The following IL1R1 variants were observed in gnomAD, a reference collection of about 807,000 sequenced individuals.
IL1R1 encodes interleukin-1 receptor type 1.
A neutral mutation model predicts 50.2 loss-of-function variants in IL1R1; 22 were observed. The ratio of observed to expected loss-of-function variants is 0.44; its 90% CI spans 0.31 to 0.63. The LOEUF is 0.63. IL1R1 is among the 20% of genes least tolerant of loss of function. The pLI is 0.07. For missense variants in IL1R1, 509 were observed against 676.2 expected (o/e 0.75, Z 2.74); for synonymous variants, 251 against 236.7 (o/e 1.06, Z -0.55).
intron 1 of IL1R1, among the ~76,000 whole-genome samples, chr2:102,096,462 G>A (rs1171095038): frequency 6.6e-6 from 1 of 151,960 alleles, no homozygotes; most frequent in South Asian, 2.1e-4. Flanking sequence ...AATTTCCTTG[G>A]GTTTTTAAGT....
intron 1 of IL1R1, among the ~76,000 whole-genome samples, chr2:102,092,606 G>A (rs13384701): frequency 0.02 from 3,094 of 151,954 alleles, 119 homozygotes; most frequent in African/African-American, 0.071. Flanking sequence ...ATAACACTCG[G>A]GCCTGTTCTA....
At chr2:102,168,978 C>CTT (rs35721344) in intron 7 of IL1R1, among the ~76,000 whole-genome samples, 1 of 142,558 alleles carries the variant, frequency 7.0e-6, no homozygotes. Flanking sequence ...GGATTTCTTT[C>CTT]TTTTTTTTTT....
In IL1R1 at chr2:102,074,012, G is replaced by A. The variant is rs143021572; in HGVS notation, c.-84+3479G>A. Among the ~76,000 whole-genome samples, 5 of 152,226 alleles carry A rather than the reference G, an allele frequency of 3.3e-5. No individual in the cohort carries two copies. The East Asian group carries it at 9.7e-4, about 29-fold the overall frequency. ...TCCCAAGGAGCTCTGCCCCAGTAGT[G>A]CCACTTCAAGTCCCATGTTCTTTTC... On this transcript the variant is annotated intron_variant, in intron 1 of 11. Transcript: ENST00000409929.
chr2:102,103,175 T>C (rs1174684164), upstream of IL1R1, among the ~76,000 whole-genome samples: 3 of 152,114 alleles, frequency 2.0e-5, no homozygotes, highest in Non-Finnish European at 2.9e-5. Context: ...AGTAAATGAA[T>C]ATATAATTTA....
chr2:102,156,954 A>T (rs1684251982), intron 2 of IL1R1, among the ~76,000 whole-genome samples: 1 of 152,186 alleles, frequency 6.6e-6, no homozygotes, highest in African/African-American at 2.4e-5. Context: ...AATATAGGCA[A>T]ATTTAATCTC....
chr2:102,135,314 T>C (rs1682285470), intron 1 of IL1R1, among the ~76,000 whole-genome samples: 1 of 152,200 alleles, frequency 6.6e-6, no homozygotes, highest in Non-Finnish European at 1.5e-5. Context: ...TGACTGCTTC[T>C]GACATTCTGA....
At chr2:102,072,973 T>C (rs1678799515) in intron 1 of IL1R1, among the ~76,000 whole-genome samples, 1 of 152,226 alleles carries the variant, frequency 6.6e-6, no homozygotes, top group Non-Finnish European at 1.5e-5. Context: ...CTCCTGGGGC[T>C]GTGGGTATAG....
intron 1 of IL1R1, among the ~76,000 whole-genome samples, chr2:102,128,271 A>G (rs1234337296): frequency 6.6e-6 from 1 of 152,200 alleles, no homozygotes; most frequent in African/African-American, 2.4e-5. Flanking sequence ...GTTTATGCCT[A>G]ATGAAGCTCC....
upstream of IL1R1, among the ~76,000 whole-genome samples, chr2:102,100,289 A>G (rs1266723996): frequency 6.6e-6 from 1 of 152,156 alleles, no homozygotes; most frequent in African/African-American, 2.4e-5. Context: ...ACAATTGAAG[A>G]GTGCCATGAC....
At chr2:102,120,456 A>C (rs1681344966) in intron 1 of IL1R1, among the ~76,000 whole-genome samples, 2 of 152,110 alleles carry the variant, frequency 1.3e-5, no homozygotes, top group South Asian at 4.1e-4. Context: ...CTTAGTAAAC[A>C]TTTGTCACAT....
intron 1 of IL1R1, among the ~76,000 whole-genome samples, chr2:102,109,902 C>A (rs1238303805): frequency 2.0e-5 from 3 of 152,130 alleles, no homozygotes; most frequent in Admixed American, 1.3e-4. Context: ...ACTTATCTCC[C>A]TTTTCTTTGT....
At chr2:102,125,156 G>A (rs546400383) in intron 1 of IL1R1, among the ~76,000 whole-genome samples, 9 of 152,298 alleles carry the variant, frequency 5.9e-5, no homozygotes, top group East Asian at 5.8e-4. Flanking sequence ...CCACACAACC[G>A]TCTAGAGTCC....
At chr2:102,081,969 T>A (rs1679228109) in intron 1 of IL1R1, among the ~76,000 whole-genome samples, 1 of 152,212 alleles carries the variant, frequency 6.6e-6, no homozygotes. Flanking sequence ...TTTTCGTTTA[T>A]TGTTTATCAA....
intron 2 of IL1R1, among the ~76,000 whole-genome samples, chr2:102,156,932 G>A: frequency 2.0e-5 from 3 of 152,132 alleles, no homozygotes; most frequent in Non-Finnish European, 4.4e-5. Context: ...CTTACTTATA[G>A]CTACGGATAA....
At chr2:102,081,324 C>A (rs979509941) in intron 1 of IL1R1, among the ~76,000 whole-genome samples, 1 of 152,140 alleles carries the variant, frequency 6.6e-6, no homozygotes, top group Non-Finnish European at 1.5e-5. Context: ...TAGTTACAAC[C>A]AGCTAAGGGA....
intron 9 of IL1R1, among the ~76,000 whole-genome samples, 185 bp downstream of exon 9, chr2:102,173,023 C>A (rs1024649047): frequency 6.6e-6 from 1 of 152,166 alleles, no homozygotes; most frequent in Non-Finnish European, 1.5e-5. Context: ...TGTCCTGCTG[C>A]CTGCCCTTAA....
At chr2:102,113,394 C>A (rs1680886807) in intron 1 of IL1R1, among the ~76,000 whole-genome samples, 1 of 152,174 alleles carries the variant, frequency 6.6e-6, no homozygotes, top group African/African-American at 2.4e-5. Context: ...AACCATGAGT[C>A]TCTTCTTGTC....
chr2:102,112,710 G>A (rs1453208722), intron 1 of IL1R1, among the ~76,000 whole-genome samples: 1 of 152,206 alleles, frequency 6.6e-6, no homozygotes, highest in Non-Finnish European at 1.5e-5. Flanking sequence ...TGTGTTAAGT[G>A]TAATGGAAAT....
At chr2:102,139,617 TGGG>T (rs1682529981), upstream of IL1R1, among the ~76,000 whole-genome samples, 1 of 152,252 alleles carries the variant, frequency 6.6e-6, no homozygotes. Flanking sequence ...ATGAATGGCT[TGGG>T]CCATCCCCTT....
Sources: allele counts gnomAD v4.1 joint callset (sites outside exome capture counted in the v4.1 genomes callset), GRCh38; gene constraint gnomAD v4.1.1; transcripts MANE v1.5; gene names NCBI Gene and HGNC (gene_info 2026-07-23, HGNC 2026-07-21).